The following GAB2 variants were observed in gnomAD, a reference collection of about 807,000 sequenced individuals.
The protein encoded by GAB2 is GRB2-associated-binding protein 2.
Under a neutral mutation model 65.5 loss-of-function variants are expected in GAB2, and 26 were observed. The ratio of observed to expected loss-of-function variants is 0.40; its 90% CI spans 0.29 to 0.55. The LOEUF is 0.55. GAB2 is among the 20% of genes least tolerant of loss of function. GAB2 has a pLI of 0.53. For missense variants in GAB2, 884 were observed against 875.8 expected (o/e 1.01, Z -0.12); for synonymous variants, 321 against 329.6 (o/e 0.97, Z 0.28).
At chr11:78,234,167 A>C (rs1864924966) in intron 3 of GAB2, among the ~76,000 whole-genome samples, 1 of 151,796 alleles carries the variant, frequency 6.6e-6, no homozygotes, top group Non-Finnish European at 1.5e-5. Context: ...TGCAGTCTTG[A>C]CCTCCCCCAG....
At chr11:78,330,650 A>T (rs576517316) in intron 1 of GAB2, among the ~76,000 whole-genome samples, 1 of 152,286 alleles carries the variant, frequency 6.6e-6, no homozygotes, top group East Asian at 1.9e-4. Flanking sequence ...CCAAATAGTG[A>T]CTATATACTT....
intron 1 of GAB2, among the ~76,000 whole-genome samples, chr11:78,374,566 A>G (rs1856610052): frequency 6.6e-6 from 1 of 152,230 alleles, no homozygotes; most frequent in African/African-American, 2.4e-5. Context: ...TAAAATAATG[A>G]TTCAAATATT....
At chr11:78,318,878 T>C (rs989213549) in intron 1 of GAB2, among the ~76,000 whole-genome samples, 1 of 152,104 alleles carries the variant, frequency 6.6e-6, no homozygotes, top group Non-Finnish European at 1.5e-5. Flanking sequence ...TAAAGACCCA[T>C]CCCTTCCCGC....
chr11:78,318,358 T>A (rs1210641737), intron 1 of GAB2: 1 of 13,082 alleles, frequency 7.6e-5, no homozygotes, highest in Non-Finnish European at 2.5e-4. Context: ...TGGGATCTGA[T>A]TGTTAAATGC....
At chr11:78,326,661 A>C (rs1043805367) in intron 1 of GAB2, among the ~76,000 whole-genome samples, 1 of 152,210 alleles carries the variant, frequency 6.6e-6, no homozygotes, top group Non-Finnish European at 1.5e-5. Context: ...TATGAGCTTC[A>C]TGAGGTCAAG....
At chr11:78,362,855 G>C (rs895710572) in intron 1 of GAB2, among the ~76,000 whole-genome samples, 1 of 152,060 alleles carries the variant, frequency 6.6e-6, no homozygotes, top group Non-Finnish European at 1.5e-5. Flanking sequence ...AAGATATTAA[G>C]GTAAAAAGGC....
intron 1 of GAB2, among the ~76,000 whole-genome samples, chr11:78,298,428 A>T (rs1353744596): frequency 1.3e-5 from 2 of 152,200 alleles, no homozygotes; most frequent in African/African-American, 4.8e-5. Context: ...CTCTGCCTCT[A>T]CCACATGAAA....
chr11:78,337,248 C>T (rs933671054), intron 1 of GAB2, among the ~76,000 whole-genome samples: 3 of 152,198 alleles, frequency 2.0e-5, no homozygotes, highest in Non-Finnish European at 4.4e-5. Context: ...TTGATTTCCT[C>T]ATCTAGTACT....
intron 1 of GAB2, among the ~76,000 whole-genome samples, chr11:78,319,846 T>A (rs186128141): frequency 1.0e-3 from 155 of 152,036 alleles, no homozygotes; most frequent in Admixed American, 3.1e-3. Context: ...GAGCTGAGTA[T>A]CTGGCAGAGA....
intron 1 of GAB2, among the ~76,000 whole-genome samples, chr11:78,362,491 A>T (rs570419269): frequency 2.0e-5 from 3 of 151,780 alleles, no homozygotes; most frequent in African/African-American, 7.3e-5. Flanking sequence ...AGGTAAGATT[A>T]AAAAAAACAA....
chr11:78,352,380 G>C (rs952329399), intron 1 of GAB2, among the ~76,000 whole-genome samples: 2 of 152,194 alleles, frequency 1.3e-5, no homozygotes, highest in Non-Finnish European at 2.9e-5. Context: ...CACAGAACCC[G>C]TCATAAGGCA....
intron 3 of GAB2, among the ~76,000 whole-genome samples, chr11:78,230,459 T>C (rs1264202269): frequency 6.6e-6 from 1 of 152,260 alleles, no homozygotes; most frequent in East Asian, 1.9e-4. Context: ...TACAGGTCCC[T>C]AATTCTCCTT....
intron 1 of GAB2, among the ~76,000 whole-genome samples, chr11:78,303,708 G>T (rs1015239522): frequency 5.9e-5 from 9 of 152,116 alleles, no homozygotes; most frequent in Non-Finnish European, 1.3e-4. Flanking sequence ...AAAGAGAAGT[G>T]CTGGGATTTT....
Position 78,219,125 on chromosome 11 carries a change from A to G in GAB2, c.*147T>C. 1.4e-6 allele frequency: 1 copy of G among 729,112 alleles called. No individual in the cohort carries two copies. The highest frequency in any genetic ancestry group is 1.9e-5 in the South Asian group (1 of 53,846). 45.2% of individuals were successfully genotyped at this position (729,112 alleles called of 1,614,324 possible). ...CCCTCACCTCCCAGGGGAAGGGTTC[A>G]GGGTCCCTGATGTCAAGTGCTTTGA... is the stretch of plus-strand genomic sequence containing the variant. On this transcript the variant is annotated 3_prime_UTR_variant, in exon 10 of 10. Transcript: ENST00000361507.
At chr11:78,289,444 C>T (rs1321111565) in intron 1 of GAB2, among the ~76,000 whole-genome samples, 4 of 152,090 alleles carry the variant, frequency 2.6e-5, no homozygotes, top group African/African-American at 7.2e-5. Flanking sequence ...ATCTAAGGTA[C>T]ATTTCATGAG....
intron 1 of GAB2, among the ~76,000 whole-genome samples, chr11:78,291,294 CAA>C (rs397848614): frequency 0.084 from 8,697 of 103,890 alleles, 335 homozygotes; most frequent in Non-Finnish European, 0.12. Flanking sequence ...ACTAAAACGA[CAA>C]AAAAAAAAAA....
chr11:78,257,688 C>T (rs1865629197), intron 2 of GAB2, among the ~76,000 whole-genome samples: 1 of 152,152 alleles, frequency 6.6e-6, no homozygotes, highest in African/African-American at 2.4e-5. Context: ...ATATGCCGTA[C>T]AGATGGTATA....
chr11:78,312,835 C>A (rs943026957), intron 1 of GAB2, among the ~76,000 whole-genome samples: 6 of 152,094 alleles, frequency 3.9e-5, no homozygotes, highest in African/African-American at 1.4e-4. Context: ...ATGACTCTGT[C>A]CTCTGGGCTC....
intron 1 of GAB2, among the ~76,000 whole-genome samples, chr11:78,350,165 A>C (rs1370599444): frequency 6.6e-6 from 1 of 152,186 alleles, no homozygotes; most frequent in Admixed American, 6.5e-5. Context: ...GCTGTAGTCC[A>C]TCTCCCCTGA....
Sources: allele counts gnomAD v4.1 joint callset (sites outside exome capture counted in the v4.1 genomes callset), GRCh38; gene constraint gnomAD v4.1.1; transcripts MANE v1.5; gene names NCBI Gene and HGNC (gene_info 2026-07-23, HGNC 2026-07-21).